The following IGDCC3 variants were observed in gnomAD, a reference collection of about 807,000 sequenced individuals.
The protein encoded by IGDCC3 is putative neuronal cell adhesion molecule.
A neutral mutation model predicts 72.0 loss-of-function variants in IGDCC3; 47 were observed. The ratio of observed to expected loss-of-function variants is 0.65; its 90% CI spans 0.52 to 0.83. The LOEUF (loss-of-function observed/expected upper bound fraction) is 0.83, where lower values mean the gene tolerates loss of function less well. Among genes scored for constraint, IGDCC3 ranks in the 40% least tolerant of loss-of-function variants. The pLI, the probability that IGDCC3 is intolerant of heterozygous loss-of-function variation, is 0.00. For synonymous variants in IGDCC3, 477 were observed against 472.8 expected, an observed-to-expected ratio of 1.01 and a Z score of -0.11; for missense variants, 1,038 against 1,091.3, an observed-to-expected ratio of 0.95 and a Z score of 0.69.
At chr15:65,361,925 A>G (rs79824218) in intron 2 of IGDCC3, among the ~76,000 whole-genome samples, 6,284 of 152,220 alleles carry the variant, frequency 0.041, 451 homozygotes, top group African/African-American at 0.14. Flanking sequence ...GCAGAGCCAG[A>G]CGTTCTGCGA....
At position 65,330,676 on chromosome 15, in the gene IGDCC3, G is replaced by C. The variant is rs201632361; in HGVS notation, c.1627C>G (p.Pro543Ala). 653 of 1,613,364 alleles carry C rather than the reference G, an allele frequency of 4.0e-4. No homozygotes were observed. The highest frequency in any genetic ancestry group is 5.3e-4 in the Non-Finnish European group (629 of 1,179,738). Residue 543 changes from proline (P) to alanine (A), a missense_variant, in exon 10 of 14, where the codon CCT becomes GCT. Transcript: ENST00000327987. ...TCGTGCTGGGCCAGCCGGGGCCAAG[G>C]CTCCCACAGCAGCTGCAAGGAGGAG... ...GSSSLQLLWE[P>A]WPRLAQHEGG...
rs1303638622 is a variant in IGDCC3 at position 65,335,285 on chromosome 15, C to A, written c.685+6G>T. ...AGGTTGGGGGAAAGTGCTGAAGGAC[C>A]CTCACCTGACACAGTGAGCCTGGCC... On this transcript the variant is annotated splice_donor_region_variant and intron_variant, in intron 4 of 13. Transcript: ENST00000327987. 13 of 1,604,746 alleles carry A rather than the reference C, an allele frequency of 8.1e-6. No individual in the cohort carries two copies. The African/African-American group carries it at 1.7e-4, about 21-fold the overall frequency.
chr15:65,340,556 G>T (rs1430068140), intron 2 of IGDCC3, among the ~76,000 whole-genome samples: 2 of 152,084 alleles, frequency 1.3e-5, no homozygotes, highest in South Asian at 2.1e-4. Flanking sequence ...TTCCCTCCTT[G>T]TATCTATCCC....
chr15:65,331,602 G>C lies in IGDCC3; in HGVS notation c.1206C>G (p.Ala402=). Residue 402 remains alanine, a synonymous_variant, in exon 8 of 14, where the codon GCC becomes GCG. Transcript: ENST00000327987. ...PEDEAIYQCV[A]ENSAGSSQAS... Reference sequence around the variant, plus strand: ...CCTGTGATGAGCCCGCACTGTTCTCGGCCACACACTGATAAATGGCTTCAT... The same window carrying C: ...CCTGTGATGAGCCCGCACTGTTCTCCGCCACACACTGATAAATGGCTTCAT... 6.2e-7 allele frequency: 1 copy of C among 1,613,296 alleles called. No individual in the cohort carries two copies. The highest frequency in any genetic ancestry group is 8.5e-7 in the Non-Finnish European group (1 of 1,179,600).
At chr15:65,361,854 G>A (rs2091263998) in intron 2 of IGDCC3, among the ~76,000 whole-genome samples, 1 of 152,172 alleles carries the variant, frequency 6.6e-6, no homozygotes, top group South Asian at 2.1e-4. Flanking sequence ...CATCATTTTC[G>A]GAGCCTGCTG....
intron 2 of IGDCC3, among the ~76,000 whole-genome samples, chr15:65,337,808 T>C (rs926936100): frequency 1.3e-5 from 2 of 152,074 alleles, no homozygotes; most frequent in African/African-American, 4.8e-5. Flanking sequence ...CCTTCGAAGA[T>C]GGGGAGCTGC....
intron 2 of IGDCC3, among the ~76,000 whole-genome samples, chr15:65,365,335 T>G (rs933566600): frequency 3.9e-5 from 6 of 152,116 alleles, no homozygotes; most frequent in Non-Finnish European, 7.4e-5. Context: ...CAGGACCCTG[T>G]GGCCTCTTGA....
Position 65,334,846 on chromosome 15 carries a change from G to A in IGDCC3, c.705C>T (p.Tyr235=). The A allele has an allele frequency of 6.2e-7, 1 of 1,613,054 alleles. No homozygotes were observed. Among genetic ancestry groups the A allele is most frequent in the Non-Finnish European group, 8.5e-7 (1 of 1,179,564 alleles). Residue 235 remains tyrosine, a synonymous_variant, in exon 5 of 14, where the codon TAC becomes TAT. Transcript: ENST00000327987. ...GCCCCACGAGGATGGCTGGCTCCTT[G>A]TAGGCCCCAGAGCCCGAGCCTGGGA... The part of the protein sequence containing the change: ...LTVSGSGSGA[Y]KEPAILVGPE...
chr15:65,329,460 A>G lies in IGDCC3; in HGVS notation c.2135T>C (p.Val712Ala). The G allele has an allele frequency of 6.2e-7, 1 of 1,610,534 alleles. No individual in the cohort carries two copies. Among genetic ancestry groups the G allele is most frequent in the Non-Finnish European group, 8.5e-7 (1 of 1,178,940 alleles). Residue 712 changes from valine to alanine, a missense_variant, in exon 13 of 14, where the codon GTG (valine) becomes GCG (alanine). Physicochemically the swap from Val to Ala is moderately conservative, Grantham distance 64 (BLOSUM62 0). Transcript: ENST00000327987. This position sits in a 1 kb window ranked among gnomAD's most constrained non-coding sequence, Gnocchi z 4.1. The part of the protein sequence containing the change: ...RGQLGRDEKR[V>A]DMKELEQLFP... ...CAGCTGCTCCAGCTCCTTCATATCC[A>G]CACGTTTCTCGTCTCGGCCCAGCTG...
Position 65,329,338 on chromosome 15 carries a change from G to T in IGDCC3, c.2205+52C>A. 5 of 1,531,908 alleles carry T rather than the reference G, an allele frequency of 3.3e-6. No individual in the cohort carries two copies. The highest frequency in any genetic ancestry group is 4.4e-6 in the Non-Finnish European group (5 of 1,131,306). The allele number at this position is 1,531,908 out of a possible 1,614,324, so 94.9% of individuals were successfully genotyped here. On this transcript the variant is annotated intron_variant, in intron 13 of 13. Coordinates refer to ENST00000327987, the MANE Select transcript of IGDCC3 (RefSeq NM_004884.4). The surrounding 1 kb of genome is among the most constrained non-coding windows in gnomAD (Gnocchi z 4.1). ...AGGTGAAGGGGGGCAGGATTGGAAG[G>T]TGGCAGTGTCAGAGCCTGAGGCGGG...
At chr15:65,334,654 G>C (rs1029709210) in intron 5 of IGDCC3, 74 bp downstream of exon 5, 1 of 1,282,790 alleles carries the variant, frequency 7.8e-7, no homozygotes, top group African/African-American at 1.5e-5. Flanking sequence ...GGAGCTGGGT[G>C]AGGAGTCTGA....
intron 3 of IGDCC3, 144 bp downstream of exon 3, chr15:65,335,668 T>C: frequency 1.0e-6 from 1 of 989,642 alleles, no homozygotes; most frequent in Non-Finnish European, 1.6e-6. Flanking sequence ...ATACCCAGTC[T>C]AAACTGTGGT....
Position 65,331,412 on chromosome 15 carries a change from C to T in IGDCC3, c.1396G>A (p.Asp466Asn). Reference protein sequence around the residue: ...GYVLHIRKAADPPELEYQEAV... With the variant: ...GYVLHIRKAANPPELEYQEAV... ...GGGCAACAGAGCTGGCCACGCGCACCAGCAGCCTTCCTGATGTGCAGGACG... is the reference window on the plus strand; with the variant it reads ...GGGCAACAGAGCTGGCCACGCGCACTAGCAGCCTTCCTGATGTGCAGGACG... The change falls in exon 8 of 14, where the codon GAC becomes AAC. Residue 466 changes from aspartate to asparagine, a missense_variant and splice_region_variant. By Grantham distance (23) the Asp-to-Asn change is conservative. Transcript: ENST00000327987. 2 of 1,600,888 alleles carry T rather than the reference C, an allele frequency of 1.2e-6. No homozygotes were observed. The highest frequency in any genetic ancestry group is 1.1e-5 in the South Asian group (1 of 89,628).
chr15:65,334,774 A>G lies in IGDCC3; in HGVS notation c.777T>C (p.Cys259=). The change falls in exon 5 of 14, where the codon TGT becomes TGC. Residue 259 remains cysteine, a synonymous_variant. Coordinates refer to ENST00000327987, the MANE Select transcript of IGDCC3 (RefSeq NM_004884.4). ...LTVHQTAVLE[C]VATGNPRPIV... ...TGGGGCGCGGGTTGCCCGTGGCGAC[A>G]CACTCAAGCACCGCGGTCTGGTGCA... is the stretch of plus-strand genomic sequence containing the variant. 1 of 1,607,528 alleles carries G rather than the reference A, an allele frequency of 6.2e-7. No individual in the cohort carries two copies. Among genetic ancestry groups the G allele is most frequent in the Middle Eastern group, 1.7e-4 (1 of 6,036 alleles).
chr15:65,328,749 G>T lies in IGDCC3; in HGVS notation c.*160C>A. The T allele has an allele frequency of 3.4e-6, 3 of 888,628 alleles. No homozygotes were observed. The highest frequency in any genetic ancestry group is 4.7e-6 in the Non-Finnish European group (3 of 635,552). 55.0% of individuals were successfully genotyped at this position (888,628 alleles called of 1,614,324 possible). A position where few individuals can be genotyped will look rare whatever the true frequency, so the allele number is the denominator to read the frequency against. On this transcript the variant is annotated 3_prime_UTR_variant, in exon 14 of 14. Transcript: ENST00000327987. ...TGGGTGTTAGGGCCGGGGGGTCCCT[G>T]TCAAGGCTGCCTTGGGTTTTGACAA...
chr15:65,363,676 C>T (rs1243988479), intron 2 of IGDCC3, among the ~76,000 whole-genome samples: 1 of 151,854 alleles, frequency 6.6e-6, no homozygotes, highest in Non-Finnish European at 1.5e-5. Flanking sequence ...CCTGCCAGGA[C>T]CCCTGGGGAG....
intron 2 of IGDCC3, among the ~76,000 whole-genome samples, chr15:65,351,288 A>G (rs144896076): frequency 0.011 from 1,614 of 152,326 alleles, 12 homozygotes; most frequent in Middle Eastern, 0.034. Flanking sequence ...TGTAATCCCA[A>G]CACTTTGGGA....
intron 10 of IGDCC3, 76 bp downstream of exon 10, chr15:65,330,474 C>A (rs2090966388): frequency 1.3e-6 from 2 of 1,573,626 alleles, no homozygotes; most frequent in Non-Finnish European, 1.7e-6. Context: ...AGGGAGGTGA[C>A]CCCTGTACGC....
Position 65,377,902 on chromosome 15 carries a change from C to A in IGDCC3, c.-114G>T, listed in dbSNP as rs1426173464. 7.2e-6 allele frequency: 7 copies of A among 974,994 alleles called. No individual in the cohort carries two copies. In the Admixed American group the frequency reaches 4.0e-4, roughly 56 times the overall value. 60.4% of individuals were successfully genotyped at this position (974,994 alleles called of 1,614,324 possible). On this transcript the variant is annotated 5_prime_UTR_variant, in exon 1 of 14. Coordinates refer to ENST00000327987, the MANE Select transcript of IGDCC3 (RefSeq NM_004884.4). This position sits in a 1 kb window ranked among gnomAD's most constrained non-coding sequence, Gnocchi z 4.9. Reference sequence around the variant, plus strand: ...GGCTGGGGCTCCGGCCGGGGCCGAGCCCAGGCGGTGGGGGACTGGGGCCGC... The same window carrying A: ...GGCTGGGGCTCCGGCCGGGGCCGAGACCAGGCGGTGGGGGACTGGGGCCGC...
Sources: allele counts gnomAD v4.1 joint callset (sites outside exome capture counted in the v4.1 genomes callset), GRCh38; gene constraint gnomAD v4.1.1; non-coding constraint Gnocchi (gnomAD v3.1); transcripts MANE v1.5; gene names NCBI Gene and HGNC (gene_info 2026-07-23, HGNC 2026-07-21).